The following INTS3 variants were observed in gnomAD, a reference collection of about 807,000 sequenced individuals.
INTS3 encodes SOSS complex subunit A.
A neutral mutation model predicts 146.3 loss-of-function variants in INTS3; 34 were observed. The observed-to-expected ratio is 0.23, with a 90% CI of 0.18 to 0.31. The LOEUF (loss-of-function observed/expected upper bound fraction) is 0.31. INTS3 is among the 10% of genes least tolerant of loss of function. The pLI is 1.00. For missense variants in INTS3, 757 were observed against 1,304.2 expected (o/e 0.58, Z 6.46); for synonymous variants, 475 against 494.9 (o/e 0.96, Z 0.53).
At chr1:153,769,692 C>G (rs1672739993) in intron 22 of INTS3, 77 bp from the exon 23 acceptor site, 1 of 946,830 alleles carries the variant, frequency 1.1e-6, no homozygotes, top group Non-Finnish European at 1.7e-6. Context: ...TACGAGCCCT[C>G]CTGCGTCCCC....
Position 153,771,788 on chromosome 1 carries a change from T to C in INTS3, c.2553-8T>C. The stretch of plus-strand genomic sequence containing the variant: ...CAAGCAGCACCCAGTGCCCCCTTCC[T>C]CCCCCAGGCCCAGCGAGGAGATGGT... On this transcript the variant is annotated splice_polypyrimidine_tract_variant and splice_region_variant and intron_variant, in intron 25 of 29. Transcript: ENST00000318967. The C allele has an allele frequency of 6.2e-7, 1 of 1,606,884 alleles. No homozygotes were observed. Among genetic ancestry groups the C allele is most frequent in the Non-Finnish European group, 8.5e-7 (1 of 1,175,572 alleles).
chr1:153,734,222 C>A (rs1324861340), intron 1 of INTS3, among the ~76,000 whole-genome samples: 1 of 152,134 alleles, frequency 6.6e-6, no homozygotes, highest in East Asian at 1.9e-4. Flanking sequence ...ACCTATGATT[C>A]TATCTTTACT....
chr1:153,745,692 T>A (rs1024070988), intron 3 of INTS3, among the ~76,000 whole-genome samples: 1 of 148,314 alleles, frequency 6.7e-6, no homozygotes, highest in South Asian at 2.1e-4. Flanking sequence ...AGGGAAGCAA[T>A]AATCTCACAG....
At chr1:153,759,637 T>G (rs1672299099) in intron 11 of INTS3, 24 bp downstream of exon 11, 1 of 1,477,602 alleles carries the variant, frequency 6.8e-7, no homozygotes, top group African/African-American at 1.4e-5. Context: ...ACCAGGCGGC[T>G]CCACTTCCCC....
chr1:153,750,589 G>C (rs998426571), intron 6 of INTS3, among the ~76,000 whole-genome samples: 1 of 152,198 alleles, frequency 6.6e-6, no homozygotes, highest in Non-Finnish European at 1.5e-5. Context: ...AGCACAGTAT[G>C]TTCTCAAAAC....
rs531637971 is a variant in INTS3 at position 153,772,032 on chromosome 1, T to C, written c.2720+69T>C. The C allele has an allele frequency of 5.0e-3, 6,468 of 1,295,202 alleles. 283 individuals carry two copies. The African/African-American group carries it at 0.088, about 18-fold the overall frequency. 80.2% of individuals were successfully genotyped at this position (1,295,202 alleles called of 1,614,324 possible). A position where few individuals can be genotyped will look rare whatever the true frequency, so the allele number is the denominator to read the frequency against. On this transcript the variant is annotated intron_variant, in intron 26 of 29. Transcript: ENST00000318967. The surrounding 1 kb of genome is among the most constrained non-coding windows in gnomAD (Gnocchi z 4.6). ...CAGTGATTGCTGTCGGTGGTGGTGG[T>C]GGTGGTGGTGGTGGTGGTGATGGGG...
intron 11 of INTS3, 79 bp from the exon 12 acceptor site, chr1:153,760,232 C>CAAAAA (rs58951043): frequency 7.1e-4 from 280 of 395,236 alleles, no homozygotes; most frequent in South Asian, 9.0e-4. Context: ...GACTCTGTTT[C>CAAAAA]AAAAAAAAAA....
intron 3 of INTS3, among the ~76,000 whole-genome samples, chr1:153,742,505 T>TGTGTGTGTGTGTGTGC (rs1016595219): frequency 2.0e-5 from 3 of 151,926 alleles, no homozygotes; most frequent in African/African-American, 7.2e-5. Flanking sequence ...TGTGTGTGTG[T>TGTGTGTGTGTGTGTGC]GTGCGTGCGC....
intron 14 of INTS3, 63 bp downstream of exon 14, chr1:153,761,739 GC>G: frequency 9.1e-7 from 1 of 1,095,540 alleles, no homozygotes. Context: ...AGGCCTTCAG[GC>G]CAGAGCCCCT....
intron 6 of INTS3, among the ~76,000 whole-genome samples, chr1:153,749,346 C>T (rs957730914): frequency 1.3e-5 from 2 of 152,198 alleles, no homozygotes; most frequent in African/African-American, 2.4e-5. Flanking sequence ...GGCTATTCCA[C>T]ATCTGAACTT....
At chr1:153,731,696 C>T (rs551035317) in intron 1 of INTS3, among the ~76,000 whole-genome samples, 1 of 149,418 alleles carries the variant, frequency 6.7e-6, no homozygotes, top group Admixed American at 6.7e-5. Flanking sequence ...CACCATTCTC[C>T]TGCCTCAGCC....
chr1:153,744,763 G>T (rs1671661994), intron 3 of INTS3, among the ~76,000 whole-genome samples: 1 of 152,186 alleles, frequency 6.6e-6, no homozygotes, highest in Non-Finnish European at 1.5e-5. Context: ...GTTGCTGCAC[G>T]GAGTGGCTCA....
chr1:153,766,558 C>CA (rs1672594345), intron 20 of INTS3: 2 of 151,852 alleles, frequency 1.3e-5, no homozygotes, highest in Non-Finnish European at 2.9e-5. Flanking sequence ...CTCGGCCTCT[C>CA]AAAGTACTAG....
Position 153,757,830 on chromosome 1 carries a change from C to T in INTS3, c.1149+67C>T. On this transcript the variant is annotated intron_variant, in intron 10 of 29. Coordinates refer to ENST00000318967, the MANE Select transcript of INTS3 (RefSeq NM_023015.5). This position sits in a 1 kb window ranked among gnomAD's most constrained non-coding sequence, Gnocchi z 4.0. ...ATGGTGTTCCCATGTTTCCATTCTT[C>T]TTCCTGACTCCAGGGCCACTTGACC... is the stretch of plus-strand genomic sequence containing the variant. The T allele has an allele frequency of 2.8e-6, 4 of 1,409,144 alleles. No individual in the cohort carries two copies. The highest frequency in any genetic ancestry group is 4.0e-6 in the Non-Finnish European group (4 of 1,004,122). The allele number at this position is 1,409,144 out of a possible 1,614,324, so 87.3% of individuals were successfully genotyped here. A position where few individuals can be genotyped will look rare whatever the true frequency, so the allele number is the denominator to read the frequency against.
intron 1 of INTS3, among the ~76,000 whole-genome samples, chr1:153,730,342 T>G (rs1671016727): frequency 6.6e-6 from 1 of 152,248 alleles, no homozygotes; most frequent in African/African-American, 2.4e-5. Flanking sequence ...ACTTTAGGAC[T>G]GCCTGGCAAT....
intron 5 of INTS3, 65 bp from the exon 6 acceptor site, chr1:153,748,624 A>C: frequency 1.9e-5 from 24 of 1,282,902 alleles, no homozygotes; most frequent in Non-Finnish European, 2.7e-5. Context: ...GAATGGGTGA[A>C]GAGATGTATT....
At chr1:153,733,154 T>C (rs1267480441) in intron 1 of INTS3, among the ~76,000 whole-genome samples, 1 of 150,828 alleles carries the variant, frequency 6.6e-6, no homozygotes, top group Non-Finnish European at 1.5e-5. Context: ...ATTTAGTCTT[T>C]TAAGGCCACT....
rs761149112 is a variant in INTS3, at chr1:153,762,789, T to C, written c.1578T>C (p.Ser526=). 2 of 1,613,796 alleles carry C rather than the reference T, an allele frequency of 1.2e-6. No individual in the cohort carries two copies. The part of the protein sequence containing the change: ...MDNHMSDKDE[S]CYDNAEAAFS... ...ACCATATGTCGGATAAGGATGAGAG[T>C]TGCTATGACAATGCAGAGGCAGCCT... The change falls in exon 15 of 30, where the codon AGT becomes AGC. Residue 526 remains serine, a synonymous_variant. Coordinates refer to ENST00000318967, the MANE Select transcript of INTS3 (RefSeq NM_023015.5).
rs60492889 is a variant in INTS3 at position 153,733,197 on chromosome 1, C to CTTTTTTTT, written c.150+4438_150+4445dup. Among the ~76,000 whole-genome samples the CTTTTTTTT allele has an allele frequency of 4.7e-5, 2 of 42,728 alleles. 1 individual carries two copies. The highest frequency in any genetic ancestry group is 8.3e-5 in the Non-Finnish European group (2 of 24,164). 28.0% of individuals were successfully genotyped at this position (42,728 alleles called of 152,430 possible). On this transcript the variant is annotated intron_variant, in intron 1 of 29. Coordinates refer to ENST00000318967, the MANE Select transcript of INTS3 (RefSeq NM_023015.5). Reference sequence around the variant, plus strand: ...CATAGGGAGCAGTATTTACCGAATGCTTTTTTTTTTTTTTTTTTTTTTTTT... The same window carrying CTTTTTTTT: ...CATAGGGAGCAGTATTTACCGAATGCTTTTTTTTTTTTTTTTTTTTTTTTTTTTTTTTT...
Sources: gnomAD v4.1 joint callset for allele counts (sites outside exome capture counted in the v4.1 genomes callset) on GRCh38, gnomAD v4.1.1 for gene constraint, Gnocchi (gnomAD v3.1) non-coding constraint, MANE v1.5 for transcripts, NCBI Gene and HGNC (gene_info 2026-07-23, HGNC 2026-07-21) for gene names.